Variants in CD2AP observed in about 807,000 individuals in gnomAD.
The protein encoded by CD2AP is CD2-associated protein.
Under a neutral mutation model 85.1 loss-of-function variants are expected in CD2AP, and 46 were observed. That is an observed-to-expected ratio of 0.54 (90% CI 0.43 to 0.69). CD2AP has a LOEUF of 0.69. CD2AP is among the 30% of genes least tolerant of loss of function. CD2AP has a pLI of 0.00. For synonymous variants in CD2AP, 255 were observed against 252.9 expected (o/e 1.01, Z -0.08); for missense variants, 769 against 729.5 (o/e 1.05, Z -0.62).
At chr6:47,608,177 T>C in intron 15 of CD2AP, 149 bp downstream of exon 15, 1 of 645,056 alleles carries the variant, frequency 1.6e-6, no homozygotes, top group East Asian at 2.8e-5. Context: ...TTGTTTAGCT[T>C]CATCAGACTA....
intron 1 of CD2AP, among the ~76,000 whole-genome samples, chr6:47,501,665 G>GGTGT (rs140480387): frequency 1.3e-5 from 2 of 150,384 alleles, no homozygotes; most frequent in Admixed American, 6.6e-5. Context: ...TGTGGTTGTT[G>GGTGT]GTGTGTGTGT....
At chr6:47,481,689 T>C (rs1487668538) in intron 1 of CD2AP, among the ~76,000 whole-genome samples, 3 of 152,156 alleles carry the variant, frequency 2.0e-5, no homozygotes, top group Non-Finnish European at 2.9e-5. Context: ...GTTTAGATGA[T>C]ATATGCACTT....
intron 2 of CD2AP, among the ~76,000 whole-genome samples, chr6:47,523,594 G>A (rs1766649752): frequency 6.6e-6 from 1 of 152,082 alleles, no homozygotes; most frequent in South Asian, 2.1e-4. Flanking sequence ...TACTGTTAAA[G>A]CATTAACTAT....
rs1380348355 is a variant in CD2AP, at chr6:47,597,178, T to C, written c.1274+1152T>C. On this transcript the variant is annotated intron_variant, in intron 12 of 17. Coordinates refer to ENST00000359314, the MANE Select transcript of CD2AP (RefSeq NM_012120.3). ...ATTATAGTACAAATCCAGTCAGGGT[T>C]GGAACCATGGCAAACCAAGGGCTCT... 2.7e-5 allele frequency among the ~76,000 whole-genome samples: 4 copies of C among 150,842 alleles called. 1 individual carries two copies. Among genetic ancestry groups the C allele is most frequent in the Non-Finnish European group, 4.5e-5 (3 of 67,204 alleles).
chr6:47,577,730 T>C (rs1009698950), intron 8 of CD2AP, among the ~76,000 whole-genome samples: 2 of 152,074 alleles, frequency 1.3e-5, no homozygotes, highest in South Asian at 4.1e-4. Flanking sequence ...ATTTTTGAAA[T>C]TCTGCCCCCC....
At chr6:47,616,242 C>T (rs1029390479) in intron 17 of CD2AP, among the ~76,000 whole-genome samples, 8 of 151,814 alleles carry the variant, frequency 5.3e-5, no homozygotes, top group Admixed American at 1.3e-4. Flanking sequence ...TAGGCACGTG[C>T]CACCATACCC....
intron 4 of CD2AP, among the ~76,000 whole-genome samples, chr6:47,546,028 G>A (rs1340780724): frequency 6.6e-6 from 1 of 152,020 alleles, no homozygotes; most frequent in Admixed American, 6.5e-5. Flanking sequence ...ACCTGAAAAA[G>A]AATTCAGAAG....
intron 5 of CD2AP, among the ~76,000 whole-genome samples, chr6:47,573,148 A>G (rs1157347058): frequency 2.6e-5 from 4 of 152,190 alleles, no homozygotes; most frequent in Non-Finnish European, 5.9e-5. Flanking sequence ...CATTGAGCCT[A>G]TAAATAAGAA....
chr6:47,537,962 G>A (rs1767098598), intron 3 of CD2AP, among the ~76,000 whole-genome samples: 1 of 151,886 alleles, frequency 6.6e-6, no homozygotes. Flanking sequence ...TGTTGGCAAG[G>A]CTGGTCTCAA....
intron 5 of CD2AP, among the ~76,000 whole-genome samples, chr6:47,569,536 C>T (rs1414464181): frequency 2.6e-5 from 4 of 151,196 alleles, no homozygotes; most frequent in East Asian, 1.9e-4. Flanking sequence ...TAGGCTTTAC[C>T]GGGCAACTAG....
At position 47,478,077 on chromosome 6, in the gene CD2AP, G is replaced by A; in HGVS notation, c.-168G>A. 1.2e-6 allele frequency: 1 copy of A among 834,934 alleles called. No individual in the cohort carries two copies. Among genetic ancestry groups the A allele is most frequent in the Non-Finnish European group, 1.9e-6 (1 of 517,430 alleles). The allele number at this position is 834,934 out of a possible 1,614,324, so 51.7% of individuals were successfully genotyped here. A position where few individuals can be genotyped will look rare whatever the true frequency, so the allele number is the denominator to read the frequency against. On this transcript the variant is annotated 5_prime_UTR_variant, in exon 1 of 18. Transcript: ENST00000359314. ...GAGGGCCGCGCTGAAGAGACTGGTA[G>A]GAGAGCGCCGCGGGCGGATGGAGGC...
At chr6:47,511,266 C>G (rs1417671693) in intron 2 of CD2AP, among the ~76,000 whole-genome samples, 2 of 152,070 alleles carry the variant, frequency 1.3e-5, no homozygotes, top group Non-Finnish European at 2.9e-5. Flanking sequence ...GTCCATGATC[C>G]TGGCTGGGGA....
chr6:47,497,167 C>T (rs1191639847), intron 1 of CD2AP, among the ~76,000 whole-genome samples: 1 of 151,792 alleles, frequency 6.6e-6, no homozygotes, highest in Admixed American at 6.6e-5. Context: ...TACTGTGAAG[C>T]CAAGTAGTAC....
intron 2 of CD2AP, among the ~76,000 whole-genome samples, chr6:47,526,078 T>C (rs765111506): frequency 6.6e-6 from 1 of 152,130 alleles, no homozygotes; most frequent in Admixed American, 6.5e-5. Flanking sequence ...TTGGTAAAAG[T>C]GAATGAAGGG....
intron 1 of CD2AP, among the ~76,000 whole-genome samples, chr6:47,485,253 T>C (rs1351066954): frequency 2.0e-5 from 3 of 152,186 alleles, no homozygotes; most frequent in Non-Finnish European, 4.4e-5. Context: ...GGCATTGTTA[T>C]CGTAGGTGAT....
chr6:47,543,441 C>CT (rs749919584), intron 3 of CD2AP, among the ~76,000 whole-genome samples: 4 of 152,110 alleles, frequency 2.6e-5, no homozygotes, highest in African/African-American at 4.8e-5. Flanking sequence ...TCTGCTAGGG[C>CT]TACCATAACA....
chr6:47,592,366 C>T (rs931895239), intron 11 of CD2AP, among the ~76,000 whole-genome samples: 7 of 152,016 alleles, frequency 4.6e-5, no homozygotes, highest in Non-Finnish European at 8.8e-5. Flanking sequence ...GATCATTGAC[C>T]TTAAATATAA....
chr6:47,527,417 A>C (rs1427277427), intron 2 of CD2AP, among the ~76,000 whole-genome samples: 2 of 152,272 alleles, frequency 1.3e-5, no homozygotes, highest in Non-Finnish European at 2.9e-5. Flanking sequence ...AAGAGGCATT[A>C]CAAGGAGATC....
In CD2AP at chr6:47,607,930, A is replaced by G. The variant is rs1313191652; in HGVS notation, c.1534A>G (p.Thr512Ala). The G allele has an allele frequency of 1.9e-6, 3 of 1,610,012 alleles. No homozygotes were observed. Among genetic ancestry groups the G allele is most frequent in the Non-Finnish European group, 2.5e-6 (3 of 1,177,110 alleles). Residue 512 changes from threonine to alanine, a missense_variant, in exon 15 of 18, where the codon ACT becomes GCT. Transcript: ENST00000359314. ...PGRFNGGHSP[T>A]HSPEKILKLP... is the part of the protein sequence containing the mutation. ...TGACTTCTAAAAAATCATTTAGCCA[A>G]CTCACAGCCCCGAAAAAATCTTGAA... is the stretch of plus-strand genomic sequence containing the variant.
Sources: allele counts gnomAD v4.1 joint callset (sites outside exome capture counted in the v4.1 genomes callset), GRCh38; gene constraint gnomAD v4.1.1; transcripts MANE v1.5; gene names NCBI Gene and HGNC (gene_info 2026-07-23, HGNC 2026-07-21).